Variants in UPF2 observed in about 807,000 individuals in gnomAD.
The protein encoded by UPF2 is UPF2 regulator of nonsense mediated mRNA decay, also known as regulator of nonsense transcripts 2.
A neutral mutation model predicts 141.4 loss-of-function variants in UPF2; 17 were observed. The ratio of observed to expected loss-of-function variants is 0.12; its 90% confidence interval spans 0.08 to 0.18. The LOEUF is 0.18. Among genes scored for constraint, UPF2 ranks in the 10% least tolerant of loss-of-function variants. The pLI is 1.00. For synonymous variants in UPF2, 540 were observed against 498.0 expected (o/e 1.08, Z -1.12); for missense variants, 1,152 against 1,515.9 (o/e 0.76, Z 3.99).
chr10:11,985,912 T>C (rs1833683231), intron 8 of UPF2, among the ~76,000 whole-genome samples: 1 of 104,432 alleles, frequency 9.6e-6, no homozygotes, highest in Non-Finnish European at 1.8e-5. Context: ...TGAGACGGAA[T>C]CTCGCTGTGT....
chr10:12,009,739 C>T (rs867544449), intron 4 of UPF2, among the ~76,000 whole-genome samples: 2 of 152,152 alleles, frequency 1.3e-5, no homozygotes, highest in African/African-American at 4.8e-5. Flanking sequence ...TAATACTCTA[C>T]CCAAGGTAGG....
intron 7 of UPF2, among the ~76,000 whole-genome samples, chr10:11,999,524 A>G (rs1833919647): frequency 1.3e-5 from 2 of 151,292 alleles, no homozygotes; most frequent in African/African-American, 4.8e-5. Flanking sequence ...AAAAAAAAAA[A>G]AAAAAAAAAC....
At chr10:11,938,905 C>A (rs1329808285) in intron 18 of UPF2, among the ~76,000 whole-genome samples, 1 of 116,306 alleles carries the variant, frequency 8.6e-6, no homozygotes, top group Admixed American at 1.2e-4. Context: ...TCACTCTGTC[C>A]CCCCCATGCA....
chr10:11,996,324 A>G (rs1833863815), intron 8 of UPF2, among the ~76,000 whole-genome samples: 1 of 149,842 alleles, frequency 6.7e-6, no homozygotes, highest in Non-Finnish European at 1.5e-5. Context: ...TTTTTTTAAT[A>G]CTTATGATAA....
intron 21 of UPF2, among the ~76,000 whole-genome samples, chr10:11,926,638 G>A (rs895744448): frequency 1.4e-4 from 21 of 152,244 alleles, no homozygotes; most frequent in African/African-American, 3.6e-4. Context: ...CCAAGAGATG[G>A]CAGGTGGGGA....
At chr10:11,976,595 G>A (rs149656934) in intron 9 of UPF2, among the ~76,000 whole-genome samples, 316 of 152,304 alleles carry the variant, frequency 2.1e-3, no homozygotes, top group Middle Eastern at 0.01. Flanking sequence ...AACTTTCTAA[G>A]TATCATAAGA....
chr10:12,032,316 G>C (rs1254843740), intron 2 of UPF2, among the ~76,000 whole-genome samples: 1 of 145,826 alleles, frequency 6.9e-6, no homozygotes, highest in South Asian at 2.2e-4. Context: ...AAAAAAGAAA[G>C]AAAAGAAAAG....
chr10:11,944,182 T>C (rs953766600), intron 16 of UPF2, among the ~76,000 whole-genome samples: 1 of 152,166 alleles, frequency 6.6e-6, no homozygotes. Context: ...TTCTGAGTTC[T>C]TAAAATGAAA....
chr10:11,925,985 G>A (rs1211628247), intron 21 of UPF2, among the ~76,000 whole-genome samples: 2 of 152,208 alleles, frequency 1.3e-5, no homozygotes, highest in African/African-American at 4.8e-5. Context: ...TGGGTCTATA[G>A]CGGGAGAATG....
chr10:11,922,126 C>A (rs894071845), intron 21 of UPF2, among the ~76,000 whole-genome samples: 1 of 152,082 alleles, frequency 6.6e-6, no homozygotes, highest in African/African-American at 2.4e-5. Flanking sequence ...ACTGCCGGCA[C>A]CCCCAGCAGT....
intron 21 of UPF2, among the ~76,000 whole-genome samples, chr10:11,928,196 C>T (rs1349853142): frequency 3.3e-5 from 5 of 151,860 alleles, no homozygotes; most frequent in African/African-American, 9.7e-5. Context: ...ATTATCCAGG[C>T]GTGCTGGGTG....
rs1433516077 is a variant in UPF2 at position 11,931,511 on chromosome 10, CAG to C, written c.3688+128_3688+129del. On this transcript the variant is annotated intron_variant, in intron 20 of 21. Transcript: ENST00000357604. The surrounding 1 kb of genome is among the most constrained non-coding windows in gnomAD (Gnocchi z 5.9). ...ATTTTACAAATAAGTGAAAGAAAAA[CAG>C]TGGGATACAAAATGAATTTCTCAGC... 1 of 964,960 alleles carries C rather than the reference CAG, an allele frequency of 1.0e-6. No homozygotes were observed. The highest frequency in any genetic ancestry group is 1.4e-6 in the Non-Finnish European group (1 of 694,366). 59.8% of individuals were successfully genotyped at this position (964,960 alleles called of 1,614,324 possible).
At chr10:12,015,570 C>T (rs546574494) in intron 3 of UPF2, among the ~76,000 whole-genome samples, 4 of 152,182 alleles carry the variant, frequency 2.6e-5, no homozygotes, top group South Asian at 2.1e-4. Context: ...GGTGCAGTGG[C>T]GGGCACCTGT....
chr10:11,947,514 G>T (rs1034648704), intron 16 of UPF2, among the ~76,000 whole-genome samples: 1 of 152,066 alleles, frequency 6.6e-6, no homozygotes, highest in African/African-American at 2.4e-5. Context: ...GGGTGCAATG[G>T]CTCACACCCA....
chr10:11,967,545 A>ATTTTTTTT, intron 9 of UPF2, 91 bp from the exon 10 acceptor site: 1 of 389,196 alleles, frequency 2.6e-6, no homozygotes, highest in Non-Finnish European at 4.3e-6. Context: ...AATTCACTCC[A>ATTTTTTTT]GTTTTTTTTT....
At chr10:11,955,598 A>G (rs1343657479) in intron 13 of UPF2, 91 bp from the exon 14 acceptor site, 3 of 1,259,472 alleles carry the variant, frequency 2.4e-6, no homozygotes, top group East Asian at 4.7e-5. Context: ...GAAAATATCT[A>G]TTACTGAAAG....
At chr10:12,041,796 C>A (rs1487150794) in intron 1 of UPF2, among the ~76,000 whole-genome samples, 9 of 152,134 alleles carry the variant, frequency 5.9e-5, no homozygotes, top group African/African-American at 2.2e-4. Context: ...AGGAGACTGA[C>A]GATGTTAAGG....
At chr10:12,041,663 A>G (rs1216426390) in intron 1 of UPF2, among the ~76,000 whole-genome samples, 4 of 152,194 alleles carry the variant, frequency 2.6e-5, no homozygotes, top group Non-Finnish European at 5.9e-5. Context: ...CTTATTCAAA[A>G]TGCTGTCAGG....
At chr10:11,999,802 G>A in intron 7 of UPF2, 104 bp downstream of exon 7, 1 of 908,500 alleles carries the variant, frequency 1.1e-6, no homozygotes, top group Non-Finnish European at 1.8e-6. Flanking sequence ...TGAAGAAATG[G>A]TGGACTTTGT....
Sources: gnomAD v4.1 joint callset for allele counts (sites outside exome capture counted in the v4.1 genomes callset) on GRCh38, gnomAD v4.1.1 for gene constraint, Gnocchi (gnomAD v3.1) non-coding constraint, MANE v1.5 for transcripts, NCBI Gene and HGNC (gene_info 2026-07-23, HGNC 2026-07-21) for gene names.